The following COPG2 variants were observed in gnomAD, a reference collection of about 807,000 sequenced individuals.
COPG2 encodes the protein coat protein complex I subunit gamma 2, also known as coatomer subunit gamma-2.
Under a neutral mutation model 46.3 loss-of-function variants are expected in COPG2, and 37 were observed. The observed-to-expected ratio is 0.80, with a 90% CI of 0.61 to 1.05. COPG2 has a LOEUF of 1.05. COPG2 is among the 50% of genes least tolerant of loss of function. The pLI is 0.00. For missense variants in COPG2, 427 were observed against 387.8 expected (o/e 1.10, Z -0.85); for synonymous variants, 159 against 129.7 (o/e 1.23, Z -1.53).
chr7:130,521,290 C>T (rs1002925438), intron 20 of COPG2, among the ~76,000 whole-genome samples: 2 of 152,236 alleles, frequency 1.3e-5, no homozygotes, highest in African/African-American at 2.4e-5. Context: ...AAAAGTGCAA[C>T]GGACAGAAAG....
intron 21 of COPG2, chr7:130,508,177 A>G: frequency 3.9e-6 from 1 of 255,196 alleles, no homozygotes. Flanking sequence ...TTTTTAATCC[A>G]TGATCTGGCT....
chr7:130,590,914 G>T (rs1420434709), intron 9 of COPG2, among the ~76,000 whole-genome samples: 9 of 150,282 alleles, frequency 6.0e-5, no homozygotes, highest in South Asian at 2.1e-4. Flanking sequence ...CGCCCCGTCT[G>T]AGAAGTGAGA....
intron 5 of COPG2, among the ~76,000 whole-genome samples, chr7:130,621,836 C>T (rs189343795): frequency 3.4e-5 from 5 of 148,332 alleles, no homozygotes; most frequent in African/African-American, 4.9e-5. Flanking sequence ...CCCAGCTACT[C>T]GGGAGGCTGA....
intron 1 of COPG2, 64 bp from the exon 2 acceptor site, chr7:130,667,598 C>T: frequency 7.5e-7 from 1 of 1,332,382 alleles, no homozygotes; most frequent in Non-Finnish European, 1.1e-6. Flanking sequence ...TATATACTTT[C>T]CAGAGAAGGG....
intron 9 of COPG2, among the ~76,000 whole-genome samples, chr7:130,591,590 G>A (rs1287712113): frequency 5.0e-5 from 7 of 138,764 alleles, no homozygotes; most frequent in Admixed American, 1.4e-4. Context: ...CGCCCCGTCC[G>A]GGAAGGAGGT....
intron 9 of COPG2, among the ~76,000 whole-genome samples, chr7:130,600,451 C>T (rs1794614736): frequency 6.6e-6 from 1 of 151,888 alleles, no homozygotes; most frequent in South Asian, 2.1e-4. Flanking sequence ...TTAGTAGAGA[C>T]AGGGTTTTTC....
intron 20 of COPG2, among the ~76,000 whole-genome samples, chr7:130,534,514 C>T (rs1444759956): frequency 6.6e-6 from 1 of 152,022 alleles, no homozygotes; most frequent in Non-Finnish European, 1.5e-5. Context: ...GGGTGGGGGG[C>T]ACAGGCTTCA....
At chr7:130,520,439 A>C (rs1165969544) in intron 20 of COPG2, among the ~76,000 whole-genome samples, 7 of 152,256 alleles carry the variant, frequency 4.6e-5, no homozygotes, top group African/African-American at 1.4e-4. Flanking sequence ...TGAGACCAGA[A>C]TGAGGAATTC....
intron 20 of COPG2, chr7:130,509,844 A>G: frequency 2.0e-6 from 1 of 500,652 alleles, no homozygotes; most frequent in Non-Finnish European, 4.0e-6. Flanking sequence ...GGGATTAACA[A>G]ATAGCCTGGG....
intron 5 of COPG2, among the ~76,000 whole-genome samples, chr7:130,651,400 T>C (rs1302283971): frequency 6.7e-6 from 1 of 149,948 alleles, no homozygotes; most frequent in Non-Finnish European, 1.5e-5. Context: ...CACCGCAATC[T>C]CCACCTCCCA....
chr7:130,645,203 C>G (rs545294106), intron 5 of COPG2: 173 of 682,000 alleles, frequency 2.5e-4, no homozygotes, highest in African/African-American at 2.3e-3. Flanking sequence ...TACCCCCTTT[C>G]CAGAATGAGC....
At chr7:130,553,492 C>T (rs1026859099) in intron 14 of COPG2, among the ~76,000 whole-genome samples, 4 of 151,976 alleles carry the variant, frequency 2.6e-5, no homozygotes, top group South Asian at 2.1e-4. Flanking sequence ...CAATTGAAAG[C>T]GCTTTGCTAA....
In COPG2 at chr7:130,554,595, C is replaced by T. The variant is rs1793588703; in HGVS notation, c.1354G>A (p.Ala452Thr). Residue 452 changes from alanine to threonine, a missense_variant, in exon 14 of 24, where the codon GCT (alanine) becomes ACT (threonine). Coordinates refer to ENST00000425248, the MANE Select transcript of COPG2 (RefSeq NM_012133.6). ...FIEDCEHTVL[A>T]TKILHLLGKE... Reference sequence around the variant, plus strand: ...CCCAACAAGTGTAGAATCTTAGTAGCCAGAACAGTGTGTTCACAGTCCTCA... The same window carrying T: ...CCCAACAAGTGTAGAATCTTAGTAGTCAGAACAGTGTGTTCACAGTCCTCA... 2.5e-6 allele frequency: 1 copy of T among 398,552 alleles called. No homozygotes were observed. Among genetic ancestry groups the T allele is most frequent in the African/African-American group, 2.1e-5 (1 of 48,720 alleles). The allele number at this position is 398,552 out of a possible 1,614,324, so 24.7% of individuals were successfully genotyped here.
chr7:130,507,908 A>G, intron 21 of COPG2, 85 bp from the exon 22 acceptor site: 1 of 711,768 alleles, frequency 1.4e-6, no homozygotes, highest in Non-Finnish European at 2.6e-6. Flanking sequence ...GGTCCTCCGG[A>G]GCCTAGAGAA....
Position 130,537,787 on chromosome 7 carries a change from T to C in COPG2, c.2149+9887A>G, listed in dbSNP as rs1224111774. On this transcript the variant is annotated intron_variant, in intron 20 of 23. Transcript: ENST00000425248. ...TTTTTGCCCAAAAGGGGCGAAGTGT[T>C]TGATGCAGGTCATGGAGGAGAAAGC... Among the ~76,000 whole-genome samples, 6 of 152,236 alleles carry C rather than the reference T, an allele frequency of 3.9e-5. No individual in the cohort carries two copies. In the East Asian group the frequency reaches 9.7e-4, roughly 25 times the overall value.
chr7:130,574,859 A>T (rs1434887479), intron 9 of COPG2, among the ~76,000 whole-genome samples: 1 of 152,206 alleles, frequency 6.6e-6, no homozygotes, highest in East Asian at 1.9e-4. Flanking sequence ...AAGAAAAAAA[A>T]CAATCAAAAA....
rs781812490 is a variant in COPG2 at position 130,507,420 on chromosome 7, G to A, written c.2387-48C>T. On this transcript the variant is annotated intron_variant, in intron 22 of 23. Transcript: ENST00000425248. ...ACAGTATTAGGAAAGTAAAGCACAG[G>A]GATCTCCCTCTGCACCAGTGTATGC... 1.7e-5 allele frequency: 13 copies of A among 778,740 alleles called. 1 individual carries two copies. Among genetic ancestry groups the A allele is most frequent in the South Asian group, 1.6e-4 (12 of 74,426 alleles). 48.2% of individuals were successfully genotyped at this position (778,740 alleles called of 1,614,324 possible).
At chr7:130,535,067 TAG>T (rs1420248432) in intron 20 of COPG2, among the ~76,000 whole-genome samples, 1 of 151,862 alleles carries the variant, frequency 6.6e-6, no homozygotes, top group Non-Finnish European at 1.5e-5. Context: ...GAAGGTGGGA[TAG>T]AGAGAGGATG....
At chr7:130,662,595 G>A (rs1796000087) in intron 4 of COPG2, among the ~76,000 whole-genome samples, 1 of 152,074 alleles carries the variant, frequency 6.6e-6, no homozygotes, top group African/African-American at 2.4e-5. Flanking sequence ...TCCACATCCA[G>A]CTCTTCTTCT....
Sources: gnomAD v4.1 joint callset for allele counts (sites outside exome capture counted in the v4.1 genomes callset) on GRCh38, gnomAD v4.1.1 for gene constraint, MANE v1.5 for transcripts, NCBI Gene and HGNC (gene_info 2026-07-23, HGNC 2026-07-21) for gene names.